Variants in RASSF9 observed in about 807,000 individuals in gnomAD.
RASSF9 encodes ras association domain-containing protein 9.
Under a neutral mutation model 21.4 loss-of-function variants are expected in RASSF9, and 18 were observed. The observed-to-expected ratio is 0.84, with a 90% confidence interval of 0.58 to 1.25. The LOEUF (loss-of-function observed/expected upper bound fraction) is 1.25. RASSF9 is among the 50% of genes most tolerant of loss of function. The probability of loss-of-function intolerance (pLI) is 0.00; values close to 1 mark genes in which losing one functional copy is unlikely to be tolerated. For synonymous variants in RASSF9, 183 were observed against 179.1 expected (o/e 1.02, Z -0.18); for missense variants, 480 against 503.2 (o/e 0.95, Z 0.44).
intron 1 of RASSF9, among the ~76,000 whole-genome samples, chr12:85,818,107 T>TA (rs1184572427): frequency 6.6e-6 from 1 of 152,182 alleles, no homozygotes; most frequent in Non-Finnish European, 1.5e-5. Flanking sequence ...CACAGCTACT[T>TA]AAAAAATAGT....
Position 85,804,478 on chromosome 12 carries a change from A to G in RASSF9, c.*224T>C, listed in dbSNP as rs1879770185. The G allele has an allele frequency of 1.4e-5, 6 of 441,490 alleles. No individual in the cohort carries two copies. Among genetic ancestry groups the G allele is most frequent in the Admixed American group, 1.2e-4 (3 of 25,794 alleles). 27.3% of individuals were successfully genotyped at this position (441,490 alleles called of 1,614,324 possible). The stretch of plus-strand genomic sequence containing the variant: ...TTTCTGTGTTCTACAACGACAAGCT[A>G]TTTGTGCTGCATTCGTGATAAATAG... On this transcript the variant is annotated 3_prime_UTR_variant, in exon 2 of 2. Transcript: ENST00000361228.
intron 1 of RASSF9, among the ~76,000 whole-genome samples, chr12:85,817,836 T>A (rs2136556586): frequency 6.6e-6 from 1 of 152,236 alleles, no homozygotes; most frequent in East Asian, 1.9e-4. Flanking sequence ...CTAGAAATCA[T>A]AAGATATGCT....
In RASSF9 at chr12:85,800,902, C is replaced by T. The variant is rs1879684328; in HGVS notation, c.*3800G>A. 6.6e-6 allele frequency: 1 copy of T among 151,642 alleles called. No individual in the cohort carries two copies. Among genetic ancestry groups the T allele is most frequent in the Non-Finnish European group, 1.5e-5 (1 of 67,886 alleles). The allele number at this position is 151,642 out of a possible 1,614,324, so 9.4% of individuals were successfully genotyped here. A position where few individuals can be genotyped will look rare whatever the true frequency, so the allele number is the denominator to read the frequency against. On this transcript the variant is annotated 3_prime_UTR_variant, in exon 2 of 2. Coordinates refer to ENST00000361228, the MANE Select transcript of RASSF9 (RefSeq NM_005447.4). ...ATATGTTTTAAATAGATTATGTCTA[C>T]TTGGAAAATAATTATAAAAGGCAGC...
At position 85,807,385 on chromosome 12, in the gene RASSF9, GTGTTAGC is replaced by G. The variant is rs369058834; in HGVS notation, c.48-1430_48-1424del. Among the ~76,000 whole-genome samples the G allele has an allele frequency of 7.3e-3, 1,118 of 152,222 alleles. 11 individuals are homozygous for G. Among genetic ancestry groups the G allele is most frequent in the African/African-American group, 0.025 (1,037 of 41,526 alleles). On this transcript the variant is annotated intron_variant, in intron 1 of 1. Transcript: ENST00000361228. Reference sequence around the variant, plus strand: ...TTAGAGAAGGGGGAAGCCAAAGAAAGTGTTAGCTAACACCTTCCTAAGCTAAAGCAAC... The same window carrying G: ...TTAGAGAAGGGGGAAGCCAAAGAAAGTAACACCTTCCTAAGCTAAAGCAAC...
Position 85,805,255 on chromosome 12 carries a change from T to C in RASSF9, c.755A>G (p.Glu252Gly). ...EVEQNLDLQYEENQTLEDLSE... is the reference protein window; with the variant it reads ...EVEQNLDLQYGENQTLEDLSE... ...CAGGTCCTCCAGAGTCTGGTTTTCC[T>C]CATACTGCAAGTCTAGATTTTGCTC... Residue 252 changes from glutamate to glycine, a missense_variant, in exon 2 of 2, where the codon GAG becomes GGG. Transcript: ENST00000361228. 6.2e-7 allele frequency: 1 copy of C among 1,613,732 alleles called. No homozygotes were observed. The highest frequency in any genetic ancestry group is 8.5e-7 in the Non-Finnish European group (1 of 1,179,900).
At chr12:85,819,489 A>G (rs1046043454) in intron 1 of RASSF9, among the ~76,000 whole-genome samples, 1 of 152,228 alleles carries the variant, frequency 6.6e-6, no homozygotes, top group Non-Finnish European at 1.5e-5. Context: ...ACCAATATTT[A>G]ATGAACACTT....
intron 1 of RASSF9, among the ~76,000 whole-genome samples, chr12:85,831,296 C>T (rs1360478657): frequency 1.3e-5 from 2 of 152,002 alleles, no homozygotes; most frequent in Non-Finnish European, 2.9e-5. Flanking sequence ...AACACATTAT[C>T]TAAATTAAAT....
intron 1 of RASSF9, among the ~76,000 whole-genome samples, chr12:85,829,176 A>C (rs1032630257): frequency 2.6e-5 from 4 of 152,146 alleles, no homozygotes; most frequent in Non-Finnish European, 5.9e-5. Context: ...ATTGGTTGAG[A>C]ACAATAAACA....
intron 1 of RASSF9, 53 bp downstream of exon 1, chr12:85,836,102 G>GACACAC: frequency 6.7e-7 from 1 of 1,489,914 alleles, no homozygotes. Context: ...ACACACACAA[G>GACACAC]ACACACACAC....
In RASSF9 at chr12:85,804,695, ATTGGAACTATG is replaced by A; in HGVS notation, c.1304_*6del. On this transcript the variant is annotated stop_lost and 3_prime_UTR_variant, in exon 2 of 2. Coordinates refer to ENST00000361228, the MANE Select transcript of RASSF9 (RefSeq NM_005447.4). ...CATGAAAGCAGGTCAGAAAGGAGCC[ATTGGAACTATG>A]TTGACAACAGCACCACATCTCCTAC... 6.4e-7 allele frequency: 1 copy of A among 1,571,050 alleles called. No homozygotes were observed. The highest frequency in any genetic ancestry group is 1.2e-5 in the South Asian group (1 of 85,372).
intron 1 of RASSF9, among the ~76,000 whole-genome samples, chr12:85,833,962 A>G (rs1349782241): frequency 6.6e-6 from 1 of 152,048 alleles, no homozygotes; most frequent in African/African-American, 2.4e-5. Context: ...TCAAATCATT[A>G]TGGAAACTGT....
intron 1 of RASSF9, among the ~76,000 whole-genome samples, chr12:85,823,322 A>G (rs1037366286): frequency 6.6e-6 from 1 of 152,052 alleles, no homozygotes; most frequent in African/African-American, 2.4e-5. Flanking sequence ...CTGATCTGAC[A>G]TATCCTCTTT....
chr12:85,831,367 G>T lies in RASSF9; in HGVS notation c.47+4788C>A, dbSNP rs996052783. Among the ~76,000 whole-genome samples the T allele has an allele frequency of 5.3e-5, 8 of 151,964 alleles. No individual in the cohort carries two copies. The South Asian group carries it at 6.2e-4, about 12-fold the overall frequency. The stretch of plus-strand genomic sequence containing the variant: ...CAAAAAATTAATTTAAGTACTTCTC[G>T]CCTTGACATGTGTCAGGCACTGACA... On this transcript the variant is annotated intron_variant, in intron 1 of 1. Coordinates refer to ENST00000361228, the MANE Select transcript of RASSF9 (RefSeq NM_005447.4).
intron 1 of RASSF9, among the ~76,000 whole-genome samples, chr12:85,830,278 T>C (rs1880421847): frequency 6.6e-6 from 1 of 152,210 alleles, no homozygotes; most frequent in East Asian, 1.9e-4. Flanking sequence ...TCTGGTAAAG[T>C]TGTATGTCAT....
At chr12:85,826,633 G>C (rs180728699) in intron 1 of RASSF9, among the ~76,000 whole-genome samples, 2 of 138,168 alleles carry the variant, frequency 1.4e-5, no homozygotes, top group Admixed American at 6.9e-5. Context: ...ATTTTTAGTA[G>C]AGTCGGGGTT....
At chr12:85,818,721 G>T (rs1358345937) in intron 1 of RASSF9, among the ~76,000 whole-genome samples, 5 of 152,216 alleles carry the variant, frequency 3.3e-5, no homozygotes, top group African/African-American at 1.2e-4. Context: ...AGCACTTCGG[G>T]ATGCCGAGGC....
At chr12:85,830,926 G>A (rs915248611) in intron 1 of RASSF9, among the ~76,000 whole-genome samples, 3 of 152,068 alleles carry the variant, frequency 2.0e-5, no homozygotes, top group Non-Finnish European at 4.4e-5. Flanking sequence ...TCAATGTTGT[G>A]TTTTGCCAAT....
chr12:85,833,671 TC>T (rs1880500971), intron 1 of RASSF9, among the ~76,000 whole-genome samples: 1 of 151,970 alleles, frequency 6.6e-6, no homozygotes, highest in South Asian at 2.1e-4. Flanking sequence ...TCCCCAATGT[TC>T]CTTCTAACAG....
At chr12:85,810,616 C>A (rs1565752654) in intron 1 of RASSF9, among the ~76,000 whole-genome samples, 1 of 151,936 alleles carries the variant, frequency 6.6e-6, no homozygotes, top group Non-Finnish European at 1.5e-5. Context: ...ATCCAGTCGT[C>A]TGATATAAAT....
Sources: allele counts gnomAD v4.1 joint callset (sites outside exome capture counted in the v4.1 genomes callset), GRCh38; gene constraint gnomAD v4.1.1; transcripts MANE v1.5; gene names NCBI Gene and HGNC (gene_info 2026-07-23, HGNC 2026-07-21).